RNF213: variants seen among roughly 807,000 people sequenced by gnomAD.
The protein encoded by RNF213 is E3 ubiquitin-protein ligase RNF213.
A neutral mutation model predicts 514.4 loss-of-function variants in RNF213; 341 were observed. The ratio of observed to expected loss-of-function variants is 0.66; its 90% CI spans 0.61 to 0.73. The LOEUF (loss-of-function observed/expected upper bound fraction) is 0.73. Among genes scored for constraint, RNF213 ranks in the 30% least tolerant of loss-of-function variants. The pLI is 0.00. For missense variants in RNF213, 5,767 were observed against 6,615.6 expected (o/e 0.87, Z 4.45); for synonymous variants, 2,655 against 2,658.2 (o/e 1.00, Z 0.04).
intron 7 of RNF213, among the ~76,000 whole-genome samples, chr17:80,291,283 G>T: frequency 1.4e-5 from 2 of 141,568 alleles, no homozygotes; most frequent in African/African-American, 5.4e-5. Context: ...TTTTTTTAGA[G>T]AGGGGATCTT....
At chr17:80,277,352 C>T (rs1163719798) in intron 3 of RNF213, among the ~76,000 whole-genome samples, 1 of 151,990 alleles carries the variant, frequency 6.6e-6, no homozygotes, top group Non-Finnish European at 1.5e-5. Context: ...AATCCCAGCA[C>T]ATTGGGAGGC....
In RNF213 at chr17:80,363,689, A is replaced by G; in HGVS notation, c.11649A>G (p.Leu3883=). The change falls in exon 41 of 68, where the codon CTA becomes CTG. Residue 3883 remains leucine, a synonymous_variant. Transcript: ENST00000582970. The part of the protein sequence containing the change: ...NTLKPSPQAW[L]QLVKNLSMPL... ...TGAAGCCCAGTCCCCAGGCGTGGCT[A>G]CAGTTGGTGAAGAATCTTTCCATGC... 1 of 1,613,980 alleles carries G rather than the reference A, an allele frequency of 6.2e-7. No individual in the cohort carries two copies. The highest frequency in any genetic ancestry group is 8.5e-7 in the Non-Finnish European group (1 of 1,179,968).
chr17:80,386,063 C>T (rs1390965362), intron 61 of RNF213, among the ~76,000 whole-genome samples, 187 bp from the exon 62 acceptor site: 1 of 152,144 alleles, frequency 6.6e-6, no homozygotes, highest in Non-Finnish European at 1.5e-5. Flanking sequence ...TCTTCAGTCC[C>T]TAAATATGGC....
At chr17:80,313,779 ATGG>A (rs1402872480) in intron 15 of RNF213, among the ~76,000 whole-genome samples, 2 of 129,084 alleles carry the variant, frequency 1.5e-5, no homozygotes, top group Non-Finnish European at 3.4e-5. Flanking sequence ...ACTGGAGGTG[ATGG>A]TGGTGGTGAA....
chr17:80,297,222 C>T (rs1384983483), intron 10 of RNF213, among the ~76,000 whole-genome samples: 4 of 151,604 alleles, frequency 2.6e-5, no homozygotes, highest in Non-Finnish European at 4.4e-5. Flanking sequence ...GAGGTCGAGG[C>T]AGGCGGATCA....
chr17:80,312,992 T>G lies in RNF213; in HGVS notation c.2656-20T>G. 1 of 1,613,454 alleles carries G rather than the reference T, an allele frequency of 6.2e-7. No homozygotes were observed. Among genetic ancestry groups the G allele is most frequent in the Non-Finnish European group, 8.5e-7 (1 of 1,179,880 alleles). Reference sequence around the variant, plus strand: ...GTCCACAGCCGAGGATGACTGACCCTCCCTCTTGTGTGACAACAGGATTCT... The same window carrying G: ...GTCCACAGCCGAGGATGACTGACCCGCCCTCTTGTGTGACAACAGGATTCT... On this transcript the variant is annotated intron_variant, in intron 14 of 67. Transcript: ENST00000582970.
At chr17:80,277,201 A>G (rs1156439481) in intron 3 of RNF213, among the ~76,000 whole-genome samples, 1 of 152,244 alleles carries the variant, frequency 6.6e-6, no homozygotes, top group Non-Finnish European at 1.5e-5. Flanking sequence ...TGAAATATCC[A>G]CGATAGACTC....
At position 80,343,198 on chromosome 17, in the gene RNF213, C is replaced by T. The variant is rs1368305747; in HGVS notation, c.6056C>T (p.Pro2019Leu). Residue 2019 changes from proline to leucine, a missense_variant, in exon 27 of 68, where the codon CCT becomes CTT. Transcript: ENST00000582970. This position sits in a 1 kb window ranked among gnomAD's most constrained non-coding sequence, Gnocchi z 4.3. ...ATGCAGTTAAACGTGAAAAATGTGC[C>T]TCTGAAAACAATTCGACTGATCGAC... ...MKMQLNVKNVPLKTIRLIDPQ... is the reference protein window; with the variant it reads ...MKMQLNVKNVLLKTIRLIDPQ... 1 of 1,613,902 alleles carries T rather than the reference C, an allele frequency of 6.2e-7. No individual in the cohort carries two copies. The highest frequency in any genetic ancestry group is 8.5e-7 in the Non-Finnish European group (1 of 1,179,968).
chr17:80,372,831 C>T (rs2079569971), intron 48 of RNF213, 97 bp downstream of exon 48: 3 of 1,381,776 alleles, frequency 2.2e-6, no homozygotes, highest in African/African-American at 1.4e-5. Context: ...TAGACTACTA[C>T]TGGGCTTTTC....
intron 2 of RNF213, among the ~76,000 whole-genome samples, chr17:80,271,489 G>A (rs942137787): frequency 6.6e-6 from 1 of 152,196 alleles, no homozygotes. Context: ...GGACTGGCTT[G>A]GGGCCTTGGA....
At chr17:80,277,823 G>C (rs1432228362) in intron 3 of RNF213, among the ~76,000 whole-genome samples, 1 of 152,220 alleles carries the variant, frequency 6.6e-6, no homozygotes, top group African/African-American at 2.4e-5. Context: ...CCATGGTGAG[G>C]AGGGTGCTAG....
chr17:80,304,195 C>T (rs1360251099), intron 11 of RNF213, among the ~76,000 whole-genome samples: 1 of 151,986 alleles, frequency 6.6e-6, no homozygotes, highest in African/African-American at 2.4e-5. Context: ...ATATGTTTTT[C>T]ATAACTTCTG....
chr17:80,336,294 C>T lies in RNF213; in HGVS notation c.4443C>T (p.Pro1481=), dbSNP rs1459005180. The change falls in exon 23 of 68, where the codon CCC becomes CCT. Residue 1481 remains proline (P), a synonymous_variant. Coordinates refer to ENST00000582970, the MANE Select transcript of RNF213 (RefSeq NM_001256071.3). ...GYASLLFKLD[P]SVDFSAFMKH... The stretch of plus-strand genomic sequence containing the variant: ...CATCCCTGCTATTTAAGCTGGACCC[C>T]AGCGTGGACTTCAGTGCATTCATGA... 6 of 1,537,216 alleles carry T rather than the reference C, an allele frequency of 3.9e-6. No individual in the cohort carries two copies. Among genetic ancestry groups the T allele is most frequent in the Non-Finnish European group, 5.2e-6 (6 of 1,146,926 alleles).
chr17:80,276,131 C>T (rs1224633774), intron 3 of RNF213, among the ~76,000 whole-genome samples: 1 of 150,736 alleles, frequency 6.6e-6, no homozygotes, highest in Non-Finnish European at 1.5e-5. Flanking sequence ...GATGGAGTTT[C>T]GCTCCTGTTG....
chr17:80,302,541 A>T (rs1240278281), intron 11 of RNF213, among the ~76,000 whole-genome samples: 1 of 152,188 alleles, frequency 6.6e-6, no homozygotes, highest in African/African-American at 2.4e-5. Flanking sequence ...AATATGTACA[A>T]TTATTATGTG....
chr17:80,284,055 T>C (rs2143137895), intron 3 of RNF213, among the ~76,000 whole-genome samples: 1 of 151,932 alleles, frequency 6.6e-6, no homozygotes, highest in South Asian at 2.1e-4. Context: ...AAACCCCATC[T>C]GTACTAAAAA....
Position 80,263,998 on chromosome 17 carries a change from A to G in RNF213, c.97+220A>G, listed in dbSNP as rs1823698934. 6.6e-6 allele frequency among the ~76,000 whole-genome samples: 1 copy of G among 152,190 alleles called. No individual in the cohort carries two copies. The highest frequency in any genetic ancestry group is 1.5e-5 in the Non-Finnish European group (1 of 68,032). On this transcript the variant is annotated intron_variant, in intron 2 of 67. Coordinates refer to ENST00000582970, the MANE Select transcript of RNF213 (RefSeq NM_001256071.3). The surrounding 1 kb of genome is among the most constrained non-coding windows in gnomAD (Gnocchi z 4.9). ...ATTAGTCTCCCACACAGGTCAAGCC[A>G]GGGGACCACCACCCAGTGCTTCCGT... is the stretch of plus-strand genomic sequence containing the variant.
intron 11 of RNF213, among the ~76,000 whole-genome samples, chr17:80,302,781 G>A (rs1568035633): frequency 6.6e-6 from 1 of 152,146 alleles, no homozygotes; most frequent in Non-Finnish European, 1.5e-5. Flanking sequence ...GATCGCTTGA[G>A]CCAGGGAGGT....
chr17:80,309,291 T>C (rs2143621364), intron 14 of RNF213, 120 bp downstream of exon 14: 1 of 1,204,232 alleles, frequency 8.3e-7, no homozygotes, highest in Non-Finnish European at 1.2e-6. Context: ...AGCGGTGGTT[T>C]CAGCAGTGGA....
Sources: allele counts gnomAD v4.1 joint callset (sites outside exome capture counted in the v4.1 genomes callset), GRCh38; gene constraint gnomAD v4.1.1; non-coding constraint Gnocchi (gnomAD v3.1); transcripts MANE v1.5; gene names NCBI Gene and HGNC (gene_info 2026-07-23, HGNC 2026-07-21).